Variants in MAB21L4 observed in about 807,000 individuals in gnomAD.
MAB21L4 encodes mab-21 like 4.
Under a neutral mutation model 32.4 loss-of-function variants are expected in MAB21L4, and 25 were observed. The ratio of observed to expected loss-of-function variants is 0.77; its 90% CI spans 0.56 to 1.08. The LOEUF is 1.08. Among genes scored for constraint, MAB21L4 ranks in the 50% least tolerant of loss-of-function variants. The probability of loss-of-function intolerance (pLI) is 0.00; values close to 1 mark genes in which losing one functional copy is unlikely to be tolerated. For missense variants in MAB21L4, 638 were observed against 611.0 expected (o/e 1.04, Z -0.47); for synonymous variants, 280 against 276.8 (o/e 1.01, Z -0.11).
chr2:240,891,017 G>A (rs909183240), intron 2 of MAB21L4, among the ~76,000 whole-genome samples: 1 of 152,214 alleles, frequency 6.6e-6, no homozygotes, highest in Middle Eastern at 3.2e-3. Context: ...GTGAGGCGGG[G>A]TGAGCCACCC....
At chr2:240,889,257 G>C (rs74494995) in intron 3 of MAB21L4, among the ~76,000 whole-genome samples, 2 of 152,194 alleles carry the variant, frequency 1.3e-5, no homozygotes, top group Non-Finnish European at 2.9e-5. Flanking sequence ...CAACCTCAAG[G>C]GGGGCTGGAA....
chr2:240,888,295 G>T lies in MAB21L4; in HGVS notation c.1248C>A (p.Asp416Glu), dbSNP rs374570956. Residue 416 changes from aspartate to glutamate, a missense_variant, in exon 4 of 5, where the codon GAC becomes GAA. Transcript: ENST00000388934. The part of the protein sequence containing the change: ...WATAYFDVLL[D>E]KFQVFNIQDK... Reference sequence around the variant, plus strand: ...GGCCCCCGCAGCCAGCACCCACCTTGTCCAGCAGGACGTCGAAGTAGGCAG... The same window carrying T: ...GGCCCCCGCAGCCAGCACCCACCTTTTCCAGCAGGACGTCGAAGTAGGCAG... The T allele has an allele frequency of 8.7e-5, 136 of 1,557,216 alleles. No homozygotes were observed. Among genetic ancestry groups the T allele is most frequent in the Non-Finnish European group, 1.1e-4 (128 of 1,156,874 alleles).
chr2:240,896,111 G>A lies in MAB21L4; in HGVS notation c.-114C>T, dbSNP rs966052101. ...CCAGGTGAGCAGCAGGTCTGCAGGT[G>A]GGGCCTCAGCTCCCACACAGCAGAA... is the stretch of plus-strand genomic sequence containing the variant. On this transcript the variant is annotated 5_prime_UTR_variant, in exon 1 of 5. Coordinates refer to ENST00000388934, the MANE Select transcript of MAB21L4 (RefSeq NM_001085437.3). 4.5e-5 allele frequency: 61 copies of A among 1,366,052 alleles called. No homozygotes were observed. The highest frequency in any genetic ancestry group is 5.5e-5 in the Non-Finnish European group (59 of 1,067,080). 84.6% of individuals were successfully genotyped at this position (1,366,052 alleles called of 1,614,324 possible). A position where few individuals can be genotyped will look rare whatever the true frequency, so the allele number is the denominator to read the frequency against.
intron 4 of MAB21L4, among the ~76,000 whole-genome samples, chr2:240,887,766 C>T (rs1394232678): frequency 6.6e-6 from 1 of 152,106 alleles, no homozygotes; most frequent in Non-Finnish European, 1.5e-5. Flanking sequence ...AGGGTGGACT[C>T]CAGGCAGGCT....
chr2:240,886,938 G>T lies in MAB21L4; in HGVS notation c.*132C>A. The T allele has an allele frequency of 1.5e-6, 1 of 676,194 alleles. No homozygotes were observed. Among genetic ancestry groups the T allele is most frequent in the Non-Finnish European group, 2.5e-6 (1 of 397,514 alleles). 41.9% of individuals were successfully genotyped at this position (676,194 alleles called of 1,614,324 possible). A position where few individuals can be genotyped will look rare whatever the true frequency, so the allele number is the denominator to read the frequency against. On this transcript the variant is annotated 3_prime_UTR_variant, in exon 5 of 5. Coordinates refer to ENST00000388934, the MANE Select transcript of MAB21L4 (RefSeq NM_001085437.3). ...AAAGACTCTCAGAGGCCACTGCTGGGGACAAAATCCCTCCACTACCCCCTC... is the reference window on the plus strand; with the variant it reads ...AAAGACTCTCAGAGGCCACTGCTGGTGACAAAATCCCTCCACTACCCCCTC...
chr2:240,892,039 G>A, intron 1 of MAB21L4: 1 of 1,481,636 alleles, frequency 6.7e-7, no homozygotes, highest in Non-Finnish European at 9.0e-7. Flanking sequence ...CACCAGTGAT[G>A]ACAGCAGCGT....
intron 3 of MAB21L4, 51 bp from the exon 4 acceptor site, chr2:240,888,699 T>G: frequency 8.9e-7 from 1 of 1,119,892 alleles, no homozygotes; most frequent in Non-Finnish European, 1.1e-6. Context: ...CGGCCCACCC[T>G]GTGCTCCCAC....
At chr2:240,895,216 G>A (rs977808762) in intron 1 of MAB21L4, among the ~76,000 whole-genome samples, 1 of 152,224 alleles carries the variant, frequency 6.6e-6, no homozygotes, top group East Asian at 1.9e-4. Flanking sequence ...CACGGAACAC[G>A]TCATCTGTCT....
rs962110376 is a variant in MAB21L4, at chr2:240,891,412, G to T, written c.740+126C>A. On this transcript the variant is annotated intron_variant, in intron 2 of 4. Coordinates refer to ENST00000388934, the MANE Select transcript of MAB21L4 (RefSeq NM_001085437.3). ...CCAGTAATCTCAGTGGAACACACAT[G>T]CCCATGGGGGCAGAGGCAGACGGAG... is the stretch of plus-strand genomic sequence containing the variant. 5 of 849,280 alleles carry T rather than the reference G, an allele frequency of 5.9e-6. No homozygotes were observed. In the Admixed American group the frequency reaches 7.2e-5, roughly 12 times the overall value. 52.6% of individuals were successfully genotyped at this position (849,280 alleles called of 1,614,324 possible).
chr2:240,886,993 T>A lies in MAB21L4; in HGVS notation c.*77A>T. 1 of 1,159,370 alleles carries A rather than the reference T, an allele frequency of 8.6e-7. No homozygotes were observed. 71.8% of individuals were successfully genotyped at this position (1,159,370 alleles called of 1,614,324 possible). On this transcript the variant is annotated 3_prime_UTR_variant, in exon 5 of 5. Transcript: ENST00000388934. ...AGAAGCCCGTTTCTTCTTCCAAACATCCCAGGAGCCTCCCATGGTGCAGTG... is the reference window on the plus strand; with the variant it reads ...AGAAGCCCGTTTCTTCTTCCAAACAACCCAGGAGCCTCCCATGGTGCAGTG...
rs749839311 is a variant in MAB21L4 at position 240,891,524 on chromosome 2, G to A, written c.740+14C>T. 3.1e-6 allele frequency: 5 copies of A among 1,593,432 alleles called. No individual in the cohort carries two copies. The highest frequency in any genetic ancestry group is 4.3e-6 in the Non-Finnish European group (5 of 1,168,416). On this transcript the variant is annotated intron_variant, in intron 2 of 4. Coordinates refer to ENST00000388934, the MANE Select transcript of MAB21L4 (RefSeq NM_001085437.3). ...CCCTCCCCAAGAACCTTGTGACCAG[G>A]AGGGTGCGCCTACCTCCAGAGCTGG...
chr2:240,888,648 T>C lies in MAB21L4; in HGVS notation c.895A>G (p.Met299Val), dbSNP rs1388198736. Residue 299 changes from methionine (M) to valine (V), a missense_variant and splice_region_variant, in exon 4 of 5, where the codon ATG (methionine) becomes GTG (valine). Met to Val is a conservative substitution (Grantham distance 21). Coordinates refer to ENST00000388934, the MANE Select transcript of MAB21L4 (RefSeq NM_001085437.3). ...AGCACAGAGGCCCACAGCAGCACCATCTGCAGGACAGCAGGGTCAGCCCTG... is the reference window on the plus strand; with the variant it reads ...AGCACAGAGGCCCACAGCAGCACCACCTGCAGGACAGCAGGGTCAGCCCTG... ...TDGLTFGHLK[M>V]VLLWASVLFL... The C allele has an allele frequency of 3.2e-6, 5 of 1,550,564 alleles. No individual in the cohort carries two copies. The highest frequency in any genetic ancestry group is 4.4e-6 in the Non-Finnish European group (5 of 1,147,530).
chr2:240,894,334 T>C (rs1396485977), intron 1 of MAB21L4, among the ~76,000 whole-genome samples: 1 of 152,034 alleles, frequency 6.6e-6, no homozygotes, highest in East Asian at 1.9e-4. Context: ...TCTGTTCCAG[T>C]CCCCAGTTCC....
chr2:240,891,793 C>T (rs371391472), intron 1 of MAB21L4, 30 bp from the exon 2 acceptor site: 23 of 1,602,692 alleles, frequency 1.4e-5, no homozygotes, highest in South Asian at 4.4e-5. Flanking sequence ...GCCGGCCCCT[C>T]GACTTGCCTC....
intron 3 of MAB21L4, 146 bp downstream of exon 3, chr2:240,889,859 C>A (rs1409908873): frequency 1.0e-6 from 1 of 981,548 alleles, no homozygotes; most frequent in Non-Finnish European, 1.5e-6. Flanking sequence ...TCCTCAGAAC[C>A]TGGGCAGGCC....
chr2:240,894,203 C>A (rs534369059), intron 1 of MAB21L4, among the ~76,000 whole-genome samples: 1 of 151,880 alleles, frequency 6.6e-6, no homozygotes, highest in African/African-American at 2.4e-5. Flanking sequence ...TGGCCTCTCG[C>A]GAAGGTGAGC....
intron 2 of MAB21L4, 41 bp from the exon 3 acceptor site, chr2:240,890,199 G>A: frequency 6.4e-7 from 1 of 1,566,918 alleles, no homozygotes; most frequent in East Asian, 2.3e-5. Context: ...CCCCGCCGCT[G>A]TTGGCCCCCA....
intron 2 of MAB21L4, among the ~76,000 whole-genome samples, chr2:240,890,413 G>C (rs996239563): frequency 4.6e-5 from 7 of 152,224 alleles, no homozygotes; most frequent in African/African-American, 1.7e-4. Context: ...CCGGCCCTTT[G>C]TGTAGACAGG....
chr2:240,896,389 G>C (rs957374930), upstream of MAB21L4, among the ~76,000 whole-genome samples: 3 of 152,302 alleles, frequency 2.0e-5, no homozygotes, highest in East Asian at 5.8e-4. Flanking sequence ...GCCGTCCCTG[G>C]GATGGGAGCC....
Sources: allele counts gnomAD v4.1 joint callset (sites outside exome capture counted in the v4.1 genomes callset), GRCh38; gene constraint gnomAD v4.1.1; transcripts MANE v1.5; gene names NCBI Gene and HGNC (gene_info 2026-07-23, HGNC 2026-07-21).